The following MIER2 variants were observed in gnomAD, a reference collection of about 807,000 sequenced individuals.
MIER2 encodes the protein mesoderm induction early response protein 2.
Under a neutral mutation model 67.6 loss-of-function variants are expected in MIER2, and 30 were observed. The ratio of observed to expected loss-of-function variants is 0.44; its 90% CI spans 0.33 to 0.60. MIER2 has a LOEUF of 0.60. Ranked by LOEUF, MIER2 falls within the 20% of genes least tolerant of loss-of-function variation. MIER2 has a pLI of 0.02. For synonymous variants in MIER2, 372 were observed against 312.6 expected, an observed-to-expected ratio of 1.19 and a Z score of -2.00; for missense variants, 702 against 745.1, an observed-to-expected ratio of 0.94 and a Z score of 0.67.
chr19:344,464 C>G (rs1203911043), intron 1 of MIER2: 1 of 765,222 alleles, frequency 1.3e-6, no homozygotes, highest in East Asian at 1.3e-4. Flanking sequence ...CACCGGACCC[C>G]CGACACCAGC....
At chr19:323,202 GAC>G (rs1432016978) in intron 7 of MIER2, among the ~76,000 whole-genome samples, 1 of 122,540 alleles carries the variant, frequency 8.2e-6, no homozygotes. Context: ...CAATATACAA[GAC>G]ACACACAACC....
At position 307,151 on chromosome 19, in the gene MIER2, C is replaced by T. The variant is rs1352571745; in HGVS notation, c.1584G>A (p.Pro528=). The T allele has an allele frequency of 5.0e-6, 8 of 1,587,942 alleles. No individual in the cohort carries two copies. The highest frequency in any genetic ancestry group is 6.9e-6 in the Non-Finnish European group (8 of 1,167,550). The change falls in exon 13 of 14, where the codon CCG becomes CCA. Residue 528 remains proline, a synonymous_variant. Transcript: ENST00000264819. Reference sequence around the variant, plus strand: ...GGGGCTCCGAGTGTAGCCCGGGGGCCGGGCACGTGGGGTGGGCGGCCAGGA... The same window carrying T: ...GGGGCTCCGAGTGTAGCCCGGGGGCTGGGCACGTGGGGTGGGCGGCCAGGA... ...NPFLAAHPTC[P]APGLHSEPLS...
In MIER2 at chr19:307,565, G is replaced by A. The variant is rs755434658; in HGVS notation, c.1199-29C>T. On this transcript the variant is annotated intron_variant, in intron 12 of 13. Transcript: ENST00000264819. Reference sequence around the variant, plus strand: ...TGAAAGAGAACGCAACAGAGGGTGGGGCCTGCCCACAGCCGCGGATCCTGT... The same window carrying A: ...TGAAAGAGAACGCAACAGAGGGTGGAGCCTGCCCACAGCCGCGGATCCTGT... The A allele has an allele frequency of 5.3e-5, 78 of 1,484,112 alleles. No homozygotes were observed. The East Asian group carries it at 1.7e-3, about 32-fold the overall frequency. 91.9% of individuals were successfully genotyped at this position (1,484,112 alleles called of 1,614,324 possible).
rs1279501378 is a variant in MIER2 at position 344,761 on chromosome 19, C to G, written c.9+13G>C. ...GGGGGCGGGGGGCCGGCTCCCCCGG[C>G]CCGCTCACTCACCTCCGCCATGGCC... On this transcript the variant is annotated intron_variant, in intron 1 of 13. Coordinates refer to ENST00000264819, the MANE Select transcript of MIER2 (RefSeq NM_017550.3). The G allele has an allele frequency of 1.7e-6, 2 of 1,183,680 alleles. No individual in the cohort carries two copies. Among genetic ancestry groups the G allele is most frequent in the East Asian group, 3.7e-5 (1 of 27,328 alleles). 73.3% of individuals were successfully genotyped at this position (1,183,680 alleles called of 1,614,324 possible). A position where few individuals can be genotyped will look rare whatever the true frequency, so the allele number is the denominator to read the frequency against.
chr19:339,175 TGA>T (rs1412006831), intron 1 of MIER2, among the ~76,000 whole-genome samples: 4 of 149,168 alleles, frequency 2.7e-5, no homozygotes, highest in Admixed American at 2.0e-4. Context: ...AAAGGACAAC[TGA>T]GAGAATAGGA....
rs1411010212 is a variant in MIER2, at chr19:308,684, A to C, written c.1110-19T>G. On this transcript the variant is annotated intron_variant, in intron 11 of 13. Coordinates refer to ENST00000264819, the MANE Select transcript of MIER2 (RefSeq NM_017550.3). The surrounding 1 kb of genome is among the most constrained non-coding windows in gnomAD (Gnocchi z 9.1). ...TGCGTCCCTGTGGGGAGAGGGCGCC[A>C]TGAGGGGCGGCAGACAGGACAGACG... is the stretch of plus-strand genomic sequence containing the variant. 6.2e-7 allele frequency: 1 copy of C among 1,600,020 alleles called. No homozygotes were observed. The highest frequency in any genetic ancestry group is 8.5e-7 in the Non-Finnish European group (1 of 1,174,694).
chr19:344,134 G>A (rs1600186818), intron 1 of MIER2: 1 of 985,456 alleles, frequency 1.0e-6, no homozygotes, highest in East Asian at 1.1e-4. Flanking sequence ...GTGCCCGGGA[G>A]AGGCTGGTCC....
chr19:326,852 C>T (rs1314195588), intron 5 of MIER2: 2 of 582,454 alleles, frequency 3.4e-6, no homozygotes, highest in African/African-American at 1.9e-5. Flanking sequence ...AGCACAGAGG[C>T]TTGTGAAGGA....
chr19:321,044 G>A (rs1034216770), intron 7 of MIER2, among the ~76,000 whole-genome samples: 1 of 152,180 alleles, frequency 6.6e-6, no homozygotes, highest in African/African-American at 2.4e-5. Flanking sequence ...GGCAGGAAAG[G>A]CACGTGCTCA....
At chr19:316,407 C>T (rs1379816905) in intron 7 of MIER2, among the ~76,000 whole-genome samples, 1 of 152,108 alleles carries the variant, frequency 6.6e-6, no homozygotes, top group African/African-American at 2.4e-5. Context: ...ATTCTCCTGC[C>T]TCAGCCTCCC....
rs960446090 is a variant in MIER2, at chr19:325,851, G to C, written c.586-147C>G. The stretch of plus-strand genomic sequence containing the variant: ...TGTGCCGTCTACCTGCTGATGCCCA[G>C]TTCTGGGGTCTGAAGGTGGGAGGCA... On this transcript the variant is annotated intron_variant, in intron 6 of 13. Coordinates refer to ENST00000264819, the MANE Select transcript of MIER2 (RefSeq NM_017550.3). The C allele has an allele frequency of 3.6e-6, 3 of 838,348 alleles. No homozygotes were observed. The African/African-American group carries it at 5.0e-5, about 14-fold the overall frequency. The allele number at this position is 838,348 out of a possible 1,614,324, so 51.9% of individuals were successfully genotyped here. A position where few individuals can be genotyped will look rare whatever the true frequency, so the allele number is the denominator to read the frequency against.
intron 2 of MIER2, among the ~76,000 whole-genome samples, chr19:335,215 G>C (rs1041675454): frequency 2.0e-5 from 3 of 152,274 alleles, no homozygotes; most frequent in Non-Finnish European, 4.4e-5. Context: ...AATCCAGACA[G>C]AGAGCAGTGT....
At chr19:328,671 T>G (rs898770310) in intron 3 of MIER2, among the ~76,000 whole-genome samples, 3 of 152,064 alleles carry the variant, frequency 2.0e-5, no homozygotes, top group Non-Finnish European at 4.4e-5. Flanking sequence ...TCACTTGTAC[T>G]CGGGAGATGG....
chr19:321,590 G>A (rs1405505804), intron 7 of MIER2, among the ~76,000 whole-genome samples: 1 of 152,026 alleles, frequency 6.6e-6, no homozygotes, highest in Non-Finnish European at 1.5e-5. Flanking sequence ...GTTGTGGTGA[G>A]CTGAGATTAT....
intron 10 of MIER2, among the ~76,000 whole-genome samples, chr19:311,001 C>T (rs375874684): frequency 6.6e-5 from 10 of 152,346 alleles, no homozygotes; most frequent in South Asian, 4.1e-4. Context: ...ATCGCTGCTG[C>T]GCACGGCACC....
chr19:322,472 G>C (rs1971541704), intron 7 of MIER2, among the ~76,000 whole-genome samples: 1 of 152,048 alleles, frequency 6.6e-6, no homozygotes, highest in Non-Finnish European at 1.5e-5. Context: ...AGAAAGACTT[G>C]TTTCCACAAA....
chr19:335,324 A>C (rs1250617626), intron 2 of MIER2, among the ~76,000 whole-genome samples: 1 of 152,226 alleles, frequency 6.6e-6, no homozygotes, highest in Non-Finnish European at 1.5e-5. Flanking sequence ...TGTGCACCAC[A>C]CACAGCCCAT....
intron 3 of MIER2, chr19:334,088 G>A (rs1600167123): frequency 4.1e-6 from 1 of 245,852 alleles, no homozygotes; most frequent in East Asian, 1.0e-4. Context: ...GCCTCCCAAA[G>A]TGCTGGGATT....
chr19:308,265 G>C lies in MIER2; in HGVS notation c.1198+312C>G, dbSNP rs540194551. Among the ~76,000 whole-genome samples the C allele has an allele frequency of 6.6e-6, 1 of 152,180 alleles. No homozygotes were observed. The highest frequency in any genetic ancestry group is 2.4e-5 in the African/African-American group (1 of 41,434). On this transcript the variant is annotated intron_variant, in intron 12 of 13. Coordinates refer to ENST00000264819, the MANE Select transcript of MIER2 (RefSeq NM_017550.3). This position sits in a 1 kb window ranked among gnomAD's most constrained non-coding sequence, Gnocchi z 9.1. ...CGGGCTAAGTCCCCACCCTGGGGCA[G>C]GAAGGCCCTCCCCGGAGACTGAGGC...
Sources: allele counts gnomAD v4.1 joint callset (sites outside exome capture counted in the v4.1 genomes callset), GRCh38; gene constraint gnomAD v4.1.1; non-coding constraint Gnocchi (gnomAD v3.1); transcripts MANE v1.5; gene names NCBI Gene and HGNC (gene_info 2026-07-23, HGNC 2026-07-21).